The following LRP12 variants were observed in gnomAD, a reference collection of about 807,000 sequenced individuals.
LRP12 encodes the protein low-density lipoprotein receptor-related protein 12.
Under a neutral mutation model 66.0 loss-of-function variants are expected in LRP12, and 14 were observed. The ratio of observed to expected loss-of-function variants is 0.21; its 90% confidence interval spans 0.14 to 0.33. LRP12 has a LOEUF of 0.33. Ranked by LOEUF, LRP12 falls within the 10% of genes least tolerant of loss-of-function variation. The pLI, the probability that LRP12 is intolerant of heterozygous loss-of-function variation, is 1.00. For missense variants in LRP12, 889 were observed against 1,053.4 expected (o/e 0.84, Z 2.16); for synonymous variants, 357 against 359.1 (o/e 0.99, Z 0.07).
At chr8:104,527,066 A>C (rs1811250361) in intron 2 of LRP12, among the ~76,000 whole-genome samples, 1 of 151,338 alleles carries the variant, frequency 6.6e-6, no homozygotes, top group African/African-American at 2.5e-5. Flanking sequence ...ATGCAGCCAA[A>C]AGACACATGA....
chr8:104,582,939 C>T (rs1450931312), intron 1 of LRP12, among the ~76,000 whole-genome samples: 1 of 152,120 alleles, frequency 6.6e-6, no homozygotes, highest in African/African-American at 2.4e-5. Context: ...CTTCCCACCC[C>T]AAAACCTACA....
intron 1 of LRP12, among the ~76,000 whole-genome samples, chr8:104,548,008 T>C (rs1308295358): frequency 8.6e-6 from 1 of 116,630 alleles, no homozygotes; most frequent in African/African-American, 3.3e-5. Context: ...GTATATAATA[T>C]ATAATTGTTA....
chr8:104,522,415 T>C (rs1433422635), intron 2 of LRP12, among the ~76,000 whole-genome samples: 1 of 152,094 alleles, frequency 6.6e-6, no homozygotes, highest in Non-Finnish European at 1.5e-5. Context: ...TTCAAAACTA[T>C]CTGAAGTCTA....
At chr8:104,555,324 C>A (rs373052610) in intron 1 of LRP12, among the ~76,000 whole-genome samples, 3 of 152,044 alleles carry the variant, frequency 2.0e-5, no homozygotes, top group African/African-American at 7.2e-5. Flanking sequence ...CATTTCAATA[C>A]CAACATCGAA....
At chr8:104,567,007 A>C (rs947734715) in intron 1 of LRP12, among the ~76,000 whole-genome samples, 1 of 142,432 alleles carries the variant, frequency 7.0e-6, no homozygotes, top group Non-Finnish European at 1.5e-5. Context: ...ATTTTATTTA[A>C]AAAAAAAACA....
intron 4 of LRP12, among the ~76,000 whole-genome samples, chr8:104,498,991 C>T (rs183858127): frequency 1.2e-3 from 184 of 152,204 alleles, no homozygotes; most frequent in Middle Eastern, 3.4e-3. Context: ...ATGACAATTA[C>T]CACAAAAATA....
chr8:104,560,116 T>TG (rs1430280326), intron 1 of LRP12, among the ~76,000 whole-genome samples: 155 of 152,312 alleles, frequency 1.0e-3, no homozygotes, highest in African/African-American at 3.7e-3. Context: ...AAAATATTTA[T>TG]GGGTCTCATT....
At chr8:104,566,034 C>T (rs1162427938) in intron 1 of LRP12, 1 of 191,252 alleles carries the variant, frequency 5.2e-6, no homozygotes, top group African/African-American at 2.3e-5. Context: ...AAAATTCAGC[C>T]TGATTAAAGA....
chr8:104,491,464 C>T lies in LRP12; in HGVS notation c.1789G>A (p.Gly597Ser), dbSNP rs768088064. The T allele has an allele frequency of 1.1e-5, 18 of 1,613,960 alleles. No individual in the cohort carries two copies. In the South Asian group the frequency reaches 2.0e-4, roughly 18 times the overall value. ...CGGTTCCAAATGTTGCTTGATCTGC[C>T]TGCCATAGGAAGCCTGACTGAAGTA... ...GFTSVRLPMA[G>S]RSSNIWNRIF... is the part of the protein sequence containing the mutation. Residue 597 changes from glycine (G) to serine (S), a missense_variant, in exon 7 of 7, where the codon GGC (glycine) becomes AGC (serine). By Grantham distance (56) the Gly-to-Ser change is moderately conservative. Around this residue, in one of 3 missense-constraint regions of LRP12, gnomAD observed 800 missense variants for 964.5 expected, o/e 0.83. Coordinates refer to ENST00000276654, the MANE Select transcript of LRP12 (RefSeq NM_013437.5).
chr8:104,583,116 A>C (rs991507477), intron 1 of LRP12, among the ~76,000 whole-genome samples: 3 of 152,042 alleles, frequency 2.0e-5, no homozygotes, highest in African/African-American at 7.2e-5. Flanking sequence ...AAATCTCCTA[A>C]CTGATCATCC....
chr8:104,547,789 T>C (rs1307236218), intron 1 of LRP12, among the ~76,000 whole-genome samples: 1 of 129,408 alleles, frequency 7.7e-6, no homozygotes, highest in Non-Finnish European at 1.6e-5. Flanking sequence ...GTATATAATA[T>C]ATAATTATAT....
intron 1 of LRP12, among the ~76,000 whole-genome samples, chr8:104,575,032 G>T (rs547468729): frequency 6.6e-6 from 1 of 152,090 alleles, no homozygotes; most frequent in Admixed American, 6.5e-5. Context: ...GGCAGGCAGA[G>T]GGAACAGCGT....
At chr8:104,504,842 G>A (rs1317963125) in intron 3 of LRP12, 1 of 152,164 alleles carries the variant, frequency 6.6e-6, no homozygotes, top group African/African-American at 2.4e-5. Context: ...TGCTTTGCAT[G>A]TATTTTAGGC....
intron 1 of LRP12, among the ~76,000 whole-genome samples, chr8:104,564,469 T>C (rs1811963121): frequency 2.0e-5 from 3 of 152,112 alleles, no homozygotes; most frequent in Admixed American, 2.0e-4. Flanking sequence ...TCTGTGAATG[T>C]GCGCAGGGGC....
chr8:104,538,918 T>C (rs1015532629), intron 1 of LRP12, among the ~76,000 whole-genome samples: 7 of 152,190 alleles, frequency 4.6e-5, no homozygotes, highest in Non-Finnish European at 1.0e-4. Context: ...TATTAGGCTT[T>C]ATAGCTCTAA....
chr8:104,538,637 C>T (rs572697174), intron 1 of LRP12, among the ~76,000 whole-genome samples: 113 of 152,238 alleles, frequency 7.4e-4, no homozygotes, highest in Non-Finnish European at 1.5e-3. Flanking sequence ...TGAGACATCA[C>T]ACATCATGGG....
intron 1 of LRP12, among the ~76,000 whole-genome samples, chr8:104,574,688 T>C (rs1319000693): frequency 6.6e-6 from 1 of 152,226 alleles, no homozygotes; most frequent in Non-Finnish European, 1.5e-5. Flanking sequence ...TTACAACGGA[T>C]TTTGAAGACT....
At chr8:104,496,896 C>T in intron 5 of LRP12, 76 bp downstream of exon 5, 1 of 1,347,624 alleles carries the variant, frequency 7.4e-7, no homozygotes, top group Non-Finnish European at 9.8e-7. Flanking sequence ...AAATACATTG[C>T]TAATCATCAA....
chr8:104,539,505 AC>A (rs961146811), intron 1 of LRP12, among the ~76,000 whole-genome samples: 3 of 151,920 alleles, frequency 2.0e-5, no homozygotes, highest in African/African-American at 4.8e-5. Flanking sequence ...ACAAAAAAAA[AC>A]CCCTCTGATA....
Sources: gnomAD v4.1 joint callset for allele counts (sites outside exome capture counted in the v4.1 genomes callset) on GRCh38, gnomAD v4.1.1 for gene constraint, gnomAD v4.1.1 regional missense constraint, MANE v1.5 for transcripts, NCBI Gene and HGNC (gene_info 2026-07-23, HGNC 2026-07-21) for gene names.